Variants in HDAC9 observed in about 807,000 individuals in gnomAD.
HDAC9 encodes the protein MEF-2 interacting transcription repressor (MITR) protein.
In HDAC9, 41 loss-of-function variants were observed where a neutral mutation model predicts 139.4. That is an observed-to-expected ratio of 0.29 (90% CI 0.23 to 0.38). HDAC9 has a LOEUF of 0.38. Ranked by LOEUF, HDAC9 falls within the 10% of genes least tolerant of loss-of-function variation. The pLI, the probability that HDAC9 is intolerant of heterozygous loss-of-function variation, is 1.00. For missense variants in HDAC9, 1,147 were observed against 1,297.0 expected (o/e 0.88, Z 1.78); for synonymous variants, 517 against 476.2 (o/e 1.09, Z -1.12).
At chr7:18,633,924 G>A (rs773787963) in intron 7 of HDAC9, among the ~76,000 whole-genome samples, 2 of 152,082 alleles carry the variant, frequency 1.3e-5, no homozygotes, top group African/African-American at 4.8e-5. Context: ...TAAAGAATCT[G>A]TCTTGTTGTT....
At chr7:18,303,425 T>TGTGTGTGTG (rs1554364291) in intron 1 of HDAC9, among the ~76,000 whole-genome samples, 2 of 69,120 alleles carry the variant, frequency 2.9e-5, no homozygotes, top group African/African-American at 8.5e-5. Context: ...GTGTGTGTGT[T>TGTGTGTGTG]TTTAGTAGAG....
chr7:18,187,730 G>A (rs865952905), intron 2 of HDAC9, among the ~76,000 whole-genome samples: 1 of 152,114 alleles, frequency 6.6e-6, no homozygotes, highest in Non-Finnish European at 1.5e-5. Context: ...TCTTACTAAA[G>A]CACAAATCTA....
chr7:18,778,065 T>A (rs1360154750), intron 16 of HDAC9, among the ~76,000 whole-genome samples: 1 of 151,924 alleles, frequency 6.6e-6, no homozygotes, highest in East Asian at 1.9e-4. Flanking sequence ...TAGTAGGCCA[T>A]GGAGCAGAGA....
intron 23 of HDAC9, among the ~76,000 whole-genome samples, chr7:18,947,344 A>G (rs1466959502): frequency 2.0e-5 from 3 of 151,950 alleles, no homozygotes; most frequent in Admixed American, 6.6e-5. Flanking sequence ...AGTAAAATTG[A>G]TCGAACTCTA....
intron 24 of HDAC9, among the ~76,000 whole-genome samples, chr7:18,955,764 GGGGT>G (rs1176137902): frequency 6.6e-6 from 1 of 152,086 alleles, no homozygotes; most frequent in Admixed American, 6.6e-5. Flanking sequence ...CTTTCAACTG[GGGGT>G]GAGAGGGACT....
At position 18,711,154 on chromosome 7, in the gene HDAC9, A is replaced by C. The variant is rs146373772; in HGVS notation, c.1732-16426A>C. Among the ~76,000 whole-genome samples the C allele has an allele frequency of 4.4e-3, 676 of 152,340 alleles. 2 individuals carry two copies. The highest frequency in any genetic ancestry group is 0.016 in the African/African-American group (645 of 41,582). On this transcript the variant is annotated intron_variant, in intron 12 of 25. Transcript: ENST00000686413. ...TAGATACTACTGTTATTGAAAATTT[A>C]CAAATTCAAAAGATGGGGCAACTGA...
intron 2 of HDAC9, among the ~76,000 whole-genome samples, chr7:18,212,994 G>A (rs1323612406): frequency 6.6e-6 from 1 of 152,152 alleles, no homozygotes; most frequent in African/African-American, 2.4e-5. Flanking sequence ...GATGGCTTTT[G>A]CCCTTTTTGC....
chr7:18,900,903 T>C (rs1801643931), intron 22 of HDAC9, among the ~76,000 whole-genome samples: 1 of 152,082 alleles, frequency 6.6e-6, no homozygotes, highest in African/African-American at 2.4e-5. Flanking sequence ...CCCAACATTT[T>C]TCTGTTAAAT....
chr7:18,948,218 G>A (rs1272672598), intron 23 of HDAC9, among the ~76,000 whole-genome samples: 1 of 151,518 alleles, frequency 6.6e-6, no homozygotes, highest in Non-Finnish European at 1.5e-5. Context: ...CCTAGACAGT[G>A]CGATATTGTA....
chr7:18,159,122 T>C (rs1787437082), intron 1 of HDAC9, among the ~76,000 whole-genome samples: 1 of 152,196 alleles, frequency 6.6e-6, no homozygotes, highest in Admixed American at 6.5e-5. Context: ...TTTATCTCCT[T>C]AAATGTGCAC....
chr7:18,197,398 A>G (rs1017412839), intron 2 of HDAC9, among the ~76,000 whole-genome samples: 3 of 152,170 alleles, frequency 2.0e-5, no homozygotes, highest in Non-Finnish European at 4.4e-5. Context: ...TGGAAAATAT[A>G]TTTGGTTTTG....
At chr7:18,405,766 A>G (rs779656330) in intron 1 of HDAC9, among the ~76,000 whole-genome samples, 16 of 152,236 alleles carry the variant, frequency 1.1e-4, no homozygotes, top group Non-Finnish European at 2.2e-4. Flanking sequence ...AAGTTCAGAT[A>G]ATAATTTGCC....
upstream of HDAC9, among the ~76,000 whole-genome samples, chr7:18,493,718 T>C (rs1441073836): frequency 1.3e-5 from 2 of 151,680 alleles, no homozygotes; most frequent in Non-Finnish European, 2.9e-5. Flanking sequence ...ATATAAAGAA[T>C]CTTGATTTGT....
At chr7:18,436,380 G>C (rs1218523278) in intron 1 of HDAC9, among the ~76,000 whole-genome samples, 1 of 152,138 alleles carries the variant, frequency 6.6e-6, no homozygotes, top group Non-Finnish European at 1.5e-5. Context: ...AATCGTATTA[G>C]GAATTCTTGT....
chr7:18,135,465 A>C, intron 1 of HDAC9, among the ~76,000 whole-genome samples: 1 of 101,336 alleles, frequency 9.9e-6, no homozygotes, highest in Non-Finnish European at 1.9e-5. Context: ...CCCCCACCCC[A>C]CAACTGTCCC....
intron 1 of HDAC9, among the ~76,000 whole-genome samples, chr7:18,470,869 A>G (rs1249835346): frequency 2.0e-5 from 3 of 152,014 alleles, no homozygotes; most frequent in East Asian, 3.9e-4. Context: ...CCAGTTGCAT[A>G]TATTATTAAT....
intron 1 of HDAC9, among the ~76,000 whole-genome samples, chr7:18,468,503 A>G (rs1454086177): frequency 6.6e-6 from 1 of 151,940 alleles, no homozygotes; most frequent in African/African-American, 2.4e-5. Flanking sequence ...TTCATTCACA[A>G]GTGTGATCAT....
intron 22 of HDAC9, among the ~76,000 whole-genome samples, chr7:18,926,171 A>G (rs1804210010): frequency 6.6e-6 from 1 of 152,178 alleles, no homozygotes; most frequent in Non-Finnish European, 1.5e-5. Context: ...CAACATAGTA[A>G]GACCCTGTCC....
At chr7:18,349,347 C>G (rs1019888543) in intron 1 of HDAC9, among the ~76,000 whole-genome samples, 1 of 150,548 alleles carries the variant, frequency 6.6e-6, no homozygotes, top group South Asian at 2.1e-4. Flanking sequence ...CACACACACA[C>G]ACACACACAC....
Sources: allele counts gnomAD v4.1 joint callset (sites outside exome capture counted in the v4.1 genomes callset), GRCh38; gene constraint gnomAD v4.1.1; transcripts MANE v1.5; gene names NCBI Gene and HGNC (gene_info 2026-07-23, HGNC 2026-07-21).